Variants in FGD5 observed in about 807,000 individuals in gnomAD.
FGD5 encodes FYVE, RhoGEF and PH domain containing 5, also known as FYVE, RhoGEF and PH domain-containing protein 5.
In FGD5, 28 loss-of-function variants were observed where a neutral mutation model predicts 133.4. The observed-to-expected ratio is 0.21, with a 90% CI of 0.16 to 0.29. FGD5 has a LOEUF of 0.29. Ranked by LOEUF, FGD5 falls within the 10% of genes least tolerant of loss-of-function variation. The pLI, the probability that FGD5 is intolerant of heterozygous loss-of-function variation, is 1.00. For synonymous variants in FGD5, 810 were observed against 776.5 expected (o/e 1.04, Z -0.72); for missense variants, 1,858 against 1,895.2 (o/e 0.98, Z 0.36).
chr3:14,926,398 G>C (rs2038803921), intron 18 of FGD5, among the ~76,000 whole-genome samples, 200 bp downstream of exon 18: 1 of 152,220 alleles, frequency 6.6e-6, no homozygotes, highest in African/African-American at 2.4e-5. Context: ...CAAAATCTAA[G>C]GAATTTGCAG....
At chr3:14,834,438 C>G (rs1160690759) in intron 1 of FGD5, among the ~76,000 whole-genome samples, 1 of 152,152 alleles carries the variant, frequency 6.6e-6, no homozygotes, top group South Asian at 2.1e-4. Context: ...TTAGTAAGAG[C>G]CTGGCAGTTT....
chr3:14,875,618 C>G (rs958461896), intron 2 of FGD5, among the ~76,000 whole-genome samples: 4 of 152,018 alleles, frequency 2.6e-5, no homozygotes, highest in African/African-American at 9.7e-5. Context: ...GTGCAGGTGA[C>G]AGAAGGAGGC....
chr3:14,896,300 G>A (rs1042064382), intron 4 of FGD5, among the ~76,000 whole-genome samples: 3 of 152,044 alleles, frequency 2.0e-5, no homozygotes, highest in Admixed American at 6.6e-5. Context: ...AGATTTATAT[G>A]TAACCACAAA....
intron 1 of FGD5, among the ~76,000 whole-genome samples, chr3:14,835,154 G>A (rs557554196): frequency 5.3e-5 from 8 of 152,344 alleles, no homozygotes; most frequent in South Asian, 4.1e-4. Context: ...CTCACAGTGG[G>A]TGTGCACAGA....
At chr3:14,851,717 TC>T (rs548404378) in intron 1 of FGD5, among the ~76,000 whole-genome samples, 2 of 151,730 alleles carry the variant, frequency 1.3e-5, no homozygotes, top group Non-Finnish European at 2.9e-5. Context: ...AAGTTTAAAT[TC>T]CCCCCCACCC....
chr3:14,837,888 G>A (rs1030079809), intron 1 of FGD5, among the ~76,000 whole-genome samples: 2 of 152,204 alleles, frequency 1.3e-5, no homozygotes, highest in African/African-American at 4.8e-5. Flanking sequence ...TGAGTCTGAC[G>A]TGACATACTT....
Position 14,819,305 on chromosome 3 carries a change from C to G in FGD5, c.234C>G (p.Pro78=), listed in dbSNP as rs1353410184. 1 of 1,531,536 alleles carries G rather than the reference C, an allele frequency of 6.5e-7. No individual in the cohort carries two copies. The highest frequency in any genetic ancestry group is 2.5e-5 in the East Asian group (1 of 40,756). 94.9% of individuals were successfully genotyped at this position (1,531,536 alleles called of 1,614,324 possible). ...GGGTTCCGCTGAGGGAGGATGAACCCAAGGACGAGGGCAGTGTGGGGAACA... is the reference window on the plus strand; with the variant it reads ...GGGTTCCGCTGAGGGAGGATGAACCGAAGGACGAGGGCAGTGTGGGGAACA... ...VPRVPLREDE[P]KDEGSVGNKA... is the part of the protein sequence containing the mutation. Residue 78 remains proline (P), a synonymous_variant, in exon 1 of 20, where the codon CCC becomes CCG. Coordinates refer to ENST00000285046, the MANE Select transcript of FGD5 (RefSeq NM_152536.4). This position sits in a 1 kb window ranked among gnomAD's most constrained non-coding sequence, Gnocchi z 4.1.
chr3:14,885,264 C>T (rs2125121714), intron 4 of FGD5, among the ~76,000 whole-genome samples: 1 of 151,674 alleles, frequency 6.6e-6, no homozygotes, highest in South Asian at 2.1e-4. Context: ...CTTTACACAG[C>T]CCTCTGTATT....
At chr3:14,850,305 G>A (rs2037134412) in intron 1 of FGD5, among the ~76,000 whole-genome samples, 1 of 152,216 alleles carries the variant, frequency 6.6e-6, no homozygotes, top group Non-Finnish European at 1.5e-5. Context: ...AGCTGAACCT[G>A]TGGGAGAACC....
chr3:14,823,267 GC>G (rs1559469327), intron 1 of FGD5, among the ~76,000 whole-genome samples: 2 of 152,144 alleles, frequency 1.3e-5, no homozygotes. Flanking sequence ...GTCAGAGACC[GC>G]CCACCTCTAA....
intron 5 of FGD5, 83 bp from the exon 6 acceptor site, chr3:14,897,856 T>C (rs1314880875): frequency 6.4e-7 from 1 of 1,558,354 alleles, no homozygotes; most frequent in Non-Finnish European, 8.7e-7. Flanking sequence ...CACCCAGGGA[T>C]GTGACTCCAG....
chr3:14,897,822 G>A, intron 5 of FGD5, 117 bp from the exon 6 acceptor site: 2 of 1,481,518 alleles, frequency 1.3e-6, no homozygotes, highest in Non-Finnish European at 1.8e-6. Context: ...TAAAACAACT[G>A]TGCAAGGGTT....
At chr3:14,856,401 C>T (rs1159714271) in intron 1 of FGD5, among the ~76,000 whole-genome samples, 1 of 152,094 alleles carries the variant, frequency 6.6e-6, no homozygotes, top group Non-Finnish European at 1.5e-5. Flanking sequence ...ATTTCTGTTT[C>T]TGTGAAGAAT....
At chr3:14,931,268 A>G (rs1240295692) in intron 18 of FGD5, 1 of 152,238 alleles carries the variant, frequency 6.6e-6, no homozygotes, top group Non-Finnish European at 1.5e-5. Context: ...TGTTTTTACC[A>G]TGAATGGATA....
At chr3:14,837,731 C>T (rs2036844704) in intron 1 of FGD5, among the ~76,000 whole-genome samples, 1 of 152,158 alleles carries the variant, frequency 6.6e-6, no homozygotes, top group African/African-American at 2.4e-5. Flanking sequence ...GGGCTTAGAG[C>T]CCTGAGTCTC....
At chr3:14,900,328 G>A (rs776248977) in intron 7 of FGD5, 75 bp from the exon 8 acceptor site, 2 of 1,449,710 alleles carry the variant, frequency 1.4e-6, no homozygotes, top group African/African-American at 1.4e-5. Context: ...TGGCAAGAGA[G>A]GGGGTGGCCA....
intron 1 of FGD5, among the ~76,000 whole-genome samples, chr3:14,853,631 CGTTCCTTT>C (rs1455325634): frequency 3.3e-4 from 32 of 96,062 alleles, no homozygotes; most frequent in African/African-American, 1.3e-3. Flanking sequence ...GGGGGAAAAG[CGTTCCTTT>C]TTTTTTTTTT....
At chr3:14,892,281 A>G (rs769637870) in intron 4 of FGD5, among the ~76,000 whole-genome samples, 7 of 151,772 alleles carry the variant, frequency 4.6e-5, no homozygotes, top group Admixed American at 6.6e-5. Context: ...AACTCACTGC[A>G]GTCTCGACCT....
At chr3:14,883,019 G>A (rs552055424) in intron 4 of FGD5, among the ~76,000 whole-genome samples, 13 of 152,294 alleles carry the variant, frequency 8.5e-5, no homozygotes, top group African/African-American at 2.6e-4. Context: ...AATCTCCCCA[G>A]CAGGAAGGGT....
Sources: gnomAD v4.1 joint callset for allele counts (sites outside exome capture counted in the v4.1 genomes callset) on GRCh38, gnomAD v4.1.1 for gene constraint, Gnocchi (gnomAD v3.1) non-coding constraint, MANE v1.5 for transcripts, NCBI Gene and HGNC (gene_info 2026-07-23, HGNC 2026-07-21) for gene names.